GSE1: variants seen among roughly 807,000 people sequenced by gnomAD.
GSE1 encodes the protein genetic suppressor element 1.
GSE1 carries 32 observed loss-of-function variants against 112.6 expected under a neutral mutation model. The observed-to-expected ratio is 0.28, with a 90% CI of 0.21 to 0.38. The LOEUF (loss-of-function observed/expected upper bound fraction) is 0.38. Among genes scored for constraint, GSE1 ranks in the 10% least tolerant of loss-of-function variants. The probability of loss-of-function intolerance (pLI) is 1.00; values close to 1 mark genes in which losing one functional copy is unlikely to be tolerated. For synonymous variants in GSE1, 1,115 were observed against 735.6 expected (o/e 1.52, Z -8.35); for missense variants, 2,348 against 1,699.2 (o/e 1.38, Z -6.71).
chr16:85,374,455 A>T (rs1201359684), intron 2 of GSE1, among the ~76,000 whole-genome samples: 2 of 149,506 alleles, frequency 1.3e-5, no homozygotes, highest in African/African-American at 5.0e-5. Context: ...GTCCATGTGC[A>T]TTTTTGTGTG....
intron 2 of GSE1, among the ~76,000 whole-genome samples, chr16:85,417,094 G>A (rs868053068): frequency 1.3e-5 from 2 of 152,068 alleles, no homozygotes; most frequent in Admixed American, 6.6e-5. Flanking sequence ...GGGCTCAATC[G>A]GTCCCCCGGC....
intron 2 of GSE1, among the ~76,000 whole-genome samples, chr16:85,502,522 T>C (rs2051404087): frequency 6.6e-6 from 1 of 152,200 alleles, no homozygotes; most frequent in South Asian, 2.1e-4. Flanking sequence ...GCAACCGGGC[T>C]TCTGGAACTC....
At chr16:85,565,766 C>T (rs956962116) in intron 1 of GSE1, among the ~76,000 whole-genome samples, 5 of 152,174 alleles carry the variant, frequency 3.3e-5, no homozygotes, top group African/African-American at 7.2e-5. Flanking sequence ...GAGCGGTGCT[C>T]GAACCAGGCC....
intron 2 of GSE1, among the ~76,000 whole-genome samples, chr16:85,404,924 C>G (rs56334552): frequency 0.012 from 281 of 23,610 alleles, 1 homozygote; most frequent in Non-Finnish European, 0.018. Context: ...TACTCTCAGG[C>G]CCCCCTGGAT....
At chr16:85,291,593 C>T (rs753108637) in intron 1 of GSE1, among the ~76,000 whole-genome samples, 4 of 152,330 alleles carry the variant, frequency 2.6e-5, no homozygotes, top group Non-Finnish European at 4.4e-5. Context: ...GTGTGGCCAC[C>T]GCCTGGTAAG....
At chr16:85,170,507 G>C in exon 1 of GSE1, 1 of 985,872 alleles carries the variant, frequency 1.0e-6, no homozygotes, top group Non-Finnish European at 1.2e-6. Flanking sequence ...AACATCACCA[G>C]TGGGGAAGAG....
intron 2 of GSE1, among the ~76,000 whole-genome samples, chr16:85,430,528 C>G (rs1049429594): frequency 1.2e-4 from 19 of 152,220 alleles, no homozygotes; most frequent in Admixed American, 3.9e-4. Flanking sequence ...AAAACTTGCC[C>G]TGCACCTCGA....
intron 1 of GSE1, among the ~76,000 whole-genome samples, chr16:85,606,254 G>A (rs1038480583): frequency 2.0e-5 from 3 of 152,186 alleles, no homozygotes; most frequent in African/African-American, 4.8e-5. Context: ...GGAAAATTTG[G>A]CCAGGTTTCT....
intron 1 of GSE1, among the ~76,000 whole-genome samples, chr16:85,265,066 C>G (rs1268598850): frequency 6.6e-6 from 1 of 152,204 alleles, no homozygotes; most frequent in South Asian, 2.1e-4. Flanking sequence ...GTTGTAAGTA[C>G]GCAGTAAACG....
chr16:85,184,472 A>AGGCACTG, intron 1 of GSE1, among the ~76,000 whole-genome samples: 2 of 152,362 alleles, frequency 1.3e-5, no homozygotes, highest in Admixed American at 1.3e-4. Context: ...GAAGGGGGCC[A>AGGCACTG]GGCACTGGCA....
At chr16:85,517,272 G>C (rs865917341) in intron 2 of GSE1, among the ~76,000 whole-genome samples, 1 of 152,082 alleles carries the variant, frequency 6.6e-6, no homozygotes, top group African/African-American at 2.4e-5. Flanking sequence ...GGTTACCTGA[G>C]GACACACGCA....
intron 1 of GSE1, among the ~76,000 whole-genome samples, chr16:85,181,310 A>T (rs1014375031): frequency 1.3e-5 from 2 of 152,230 alleles, no homozygotes; most frequent in Non-Finnish European, 2.9e-5. Flanking sequence ...TTTTCAGATA[A>T]GGAGGCCAAG....
At chr16:85,334,300 C>G (rs1567695386) in intron 1 of GSE1, among the ~76,000 whole-genome samples, 1 of 152,234 alleles carries the variant, frequency 6.6e-6, no homozygotes, top group East Asian at 1.9e-4. Context: ...TCACTGGCCT[C>G]TGTTTTGTCA....
chr16:85,216,133 TTC>T (rs2075303499), intron 1 of GSE1, among the ~76,000 whole-genome samples: 1 of 152,230 alleles, frequency 6.6e-6, no homozygotes, highest in African/African-American at 2.4e-5. Flanking sequence ...CTTCTGCCCC[TTC>T]TCTCTCGTTC....
At chr16:85,453,823 G>A (rs563390120) in intron 2 of GSE1, among the ~76,000 whole-genome samples, 26 of 152,296 alleles carry the variant, frequency 1.7e-4, no homozygotes, top group South Asian at 4.1e-4. Flanking sequence ...GACCTCGGCC[G>A]GCCCCACTTG....
chr16:85,586,631 C>T (rs757280063), intron 1 of GSE1, among the ~76,000 whole-genome samples: 6 of 152,244 alleles, frequency 3.9e-5, no homozygotes, highest in South Asian at 2.1e-4. Context: ...GGCCCGACGC[C>T]GGCCCCCGCG....
intron 3 of GSE1, among the ~76,000 whole-genome samples, chr16:85,651,873 GCTA>G (rs1027997674): frequency 6.6e-6 from 1 of 152,232 alleles, no homozygotes; most frequent in Non-Finnish European, 1.5e-5. Context: ...TCATTGGGGT[GCTA>G]CTTGGATGCT....
rs562010766 is a variant in GSE1, at chr16:85,557,467, G to T, written c.37+1104G>T. On this transcript the variant is annotated intron_variant, in intron 1 of 2. Transcript: ENST00000635906. ...GAGGGGAAGTTCCTAGTTTTCCCATGTTGAGGCTTTTATAAAATTCTGCAG... is the reference window on the plus strand; with the variant it reads ...GAGGGGAAGTTCCTAGTTTTCCCATTTTGAGGCTTTTATAAAATTCTGCAG... 1.2e-4 allele frequency among the ~76,000 whole-genome samples: 19 copies of T among 152,274 alleles called. 1 individual carries two copies. The Middle Eastern group carries it at 0.01, about 82-fold the overall frequency.
At chr16:85,542,800 C>T (rs1033667288) in intron 2 of GSE1, among the ~76,000 whole-genome samples, 1 of 152,230 alleles carries the variant, frequency 6.6e-6, no homozygotes, top group Admixed American at 6.5e-5. Context: ...ACATGACCTC[C>T]TCCCAAGTCC....
Sources: gnomAD v4.1 joint callset for allele counts (sites outside exome capture counted in the v4.1 genomes callset) on GRCh38, gnomAD v4.1.1 for gene constraint, MANE v1.5 for transcripts, NCBI Gene and HGNC (gene_info 2026-07-23, HGNC 2026-07-21) for gene names.